CUL4B: variants seen among roughly 807,000 people sequenced by gnomAD.
CUL4B encodes cullin-4B.
A neutral mutation model predicts 69.2 loss-of-function variants in CUL4B; 1 was observed. The observed-to-expected ratio is 0.01, with a 90% confidence interval of 0.01 to 0.07. The LOEUF (loss-of-function observed/expected upper bound fraction) is 0.07, where lower values mean the gene tolerates loss of function less well. Ranked by LOEUF, CUL4B falls within the 10% of genes least tolerant of loss-of-function variation. The pLI, the probability that CUL4B is intolerant of heterozygous loss-of-function variation, is 1.00. For missense variants in CUL4B, 328 were observed against 638.8 expected, an observed-to-expected ratio of 0.51 and a Z score of 5.24; for synonymous variants, 237 against 223.2, an observed-to-expected ratio of 1.06 and a Z score of -0.55.
intron 2 of CUL4B, among the ~76,000 whole-genome samples, chrX:120,573,878 C>A (rs1602597880): frequency 8.9e-6 from 1 of 111,823 alleles, no homozygotes; most frequent in East Asian, 2.8e-4. Flanking sequence ...GGCTGGAGTG[C>A]AATGGCACAA....
intron 17 of CUL4B, among the ~76,000 whole-genome samples, chrX:120,533,661 G>A (rs956253257): frequency 5.4e-5 from 6 of 111,631 alleles, no homozygotes; most frequent in Admixed American, 3.8e-4. Flanking sequence ...GCCAGTCCAC[G>A]GTGATCTCTT....
chrX:120,536,542 G>C (rs1437156923), intron 15 of CUL4B, among the ~76,000 whole-genome samples: 6 of 112,352 alleles, frequency 5.3e-5, no homozygotes, highest in Non-Finnish European at 7.5e-5. Flanking sequence ...GGTAGAGTGA[G>C]GGGTATAACC....
In CUL4B at chrX:120,543,705, A is replaced by C. The variant is rs139093029; in HGVS notation, c.1256+22T>G. The C allele has an allele frequency of 3.2e-5, 35 of 1,106,759 alleles. No individual in the cohort carries two copies. In the African/African-American group the frequency reaches 4.9e-4, roughly 15 times the overall value. The allele number at this position is 1,106,759 out of a possible 1,213,427, so 91.2% of individuals were successfully genotyped here. A position where few individuals can be genotyped will look rare whatever the true frequency, so the allele number is the denominator to read the frequency against. On this transcript the variant is annotated intron_variant, in intron 8 of 19. Transcript: ENST00000371322. ...GATTTAACGACAGTTTAAGACTATT[A>C]AATTCAGCATGTGGTACTTACTGGG...
intron 1 of CUL4B, chrX:120,574,750 A>G (rs1223931776): frequency 4.9e-6 from 3 of 617,328 alleles, no homozygotes; most frequent in Non-Finnish European, 8.0e-6. Flanking sequence ...CATATCTTCA[A>G]GGAAATTATC....
At chrX:120,549,520 G>C (rs1347578756) in intron 2 of CUL4B, among the ~76,000 whole-genome samples, 1 of 111,635 alleles carries the variant, frequency 9.0e-6, no homozygotes, top group Non-Finnish European at 1.9e-5. Flanking sequence ...TCCAGCCCAG[G>C]CAACAGTGTG....
At chrX:120,561,453 G>A (rs182960631), upstream of CUL4B, 3,492 of 528,391 alleles carry the variant, frequency 6.6e-3, 17 homozygotes, top group Non-Finnish European at 8.6e-3. Flanking sequence ...GGGGGGGGAA[G>A]GGGGGAGGGA....
intron 11 of CUL4B, 115 bp downstream of exon 11, chrX:120,540,255 C>A: frequency 1.5e-6 from 1 of 677,732 alleles, no homozygotes; most frequent in Non-Finnish European, 2.3e-6. Flanking sequence ...ACCAGCTAAG[C>A]AACCTCAAAC....
In CUL4B at chrX:120,526,503, A is replaced by C. The variant is rs1922975137; in HGVS notation, c.*258T>G. ...TTCCAAAGAGGAATTCATGAAGACC[A>C]GGTACGTTCTTAAGTGTTTTCTGCA... On this transcript the variant is annotated 3_prime_UTR_variant, in exon 20 of 20. Transcript: ENST00000371322. The C allele has an allele frequency of 9.1e-6, 2 of 219,600 alleles. No individual in the cohort carries two copies. Among genetic ancestry groups the C allele is most frequent in the Non-Finnish European group, 1.7e-5 (2 of 118,575 alleles). 18.1% of individuals were successfully genotyped at this position (219,600 alleles called of 1,213,427 possible). A position where few individuals can be genotyped will look rare whatever the true frequency, so the allele number is the denominator to read the frequency against.
At chrX:120,529,485 T>C (rs144057361) in intron 19 of CUL4B, among the ~76,000 whole-genome samples, 254 of 111,749 alleles carry the variant, frequency 2.3e-3, no homozygotes, top group African/African-American at 7.7e-3. Flanking sequence ...TATCAATGTT[T>C]ATCATCCAAG....
In CUL4B at chrX:120,528,409, C is replaced by CA. The variant is rs1315505804; in HGVS notation, c.2593-1554dup. Reference sequence around the variant, plus strand: ...GTGACAGAGCAAGAAGACTCCATCTCAAAAAAAAAAAAAATCACTATTTAA... The same window carrying CA: ...GTGACAGAGCAAGAAGACTCCATCTCAAAAAAAAAAAAAAATCACTATTTAA... On this transcript the variant is annotated intron_variant, in intron 19 of 19. Transcript: ENST00000371322. 5.3e-3 allele frequency among the ~76,000 whole-genome samples: 399 copies of CA among 74,867 alleles called. 1 individual carries two copies. The highest frequency in any genetic ancestry group is 0.013 in the African/African-American group (264 of 19,749). 65.0% of individuals were successfully genotyped at this position (74,867 alleles called of 115,157 possible). A position where few individuals can be genotyped will look rare whatever the true frequency, so the allele number is the denominator to read the frequency against.
At position 120,538,128 on chromosome X, in the gene CUL4B, T is replaced by C; in HGVS notation, c.1934A>G (p.Lys645Arg). The change falls in exon 14 of 20, where the codon AAA (lysine) becomes AGA (arginine). Residue 645 changes from lysine (K) to arginine (R), a missense_variant. Coordinates refer to ENST00000371322, the MANE Select transcript of CUL4B (RefSeq NM_001079872.2). Reference sequence around the variant, plus strand: ...AAGAGTTTAACTCACTTTTACCTGTTTGAACTGAATCATGATGTCTTTAGA... The same window carrying C: ...AAGAGTTTAACTCACTTTTACCTGTCTGAACTGAATCATGATGTCTTTAGA... The part of the protein sequence containing the change: ...ELSKDIMIQF[K>R]QYMQNQNVPG... 8.4e-7 allele frequency: 1 copy of C among 1,186,739 alleles called. No individual in the cohort carries two copies. Among genetic ancestry groups the C allele is most frequent in the Non-Finnish European group, 1.1e-6 (1 of 874,041 alleles).
intron 17 of CUL4B, among the ~76,000 whole-genome samples, chrX:120,533,288 G>A (rs1923437052): frequency 8.9e-6 from 1 of 111,765 alleles, no homozygotes; most frequent in African/African-American, 3.3e-5. Flanking sequence ...GGAATCCCTT[G>A]ATCCTTCCAG....
downstream of CUL4B, among the ~76,000 whole-genome samples, chrX:120,567,141 T>TTTG (rs1925577915): frequency 1.6e-5 from 1 of 61,623 alleles, no homozygotes; most frequent in Non-Finnish European, 3.1e-5. Context: ...TTTTTTTTTT[T>TTTG]GAGACAGAGT....
chrX:120,566,031 G>T (rs1176660569), upstream of CUL4B, among the ~76,000 whole-genome samples: 1 of 108,130 alleles, frequency 9.2e-6, no homozygotes, highest in Non-Finnish European at 1.9e-5. Flanking sequence ...CCCGGCCCAG[G>T]CAGTCCATTT....
At chrX:120,559,916 C>G in intron 1 of CUL4B, 167 bp downstream of exon 1, 1 of 1,138,608 alleles carries the variant, frequency 8.8e-7, no homozygotes, top group Non-Finnish European at 1.2e-6. Flanking sequence ...CTAACCACCC[C>G]CGGAAAATGA....
upstream of CUL4B, among the ~76,000 whole-genome samples, chrX:120,566,371 A>ATGTATATATATATATATATG (rs1213048362): frequency 1.7e-5 from 1 of 60,028 alleles, no homozygotes; most frequent in African/African-American, 5.3e-5. Context: ...ATATATATAT[A>ATGTATATATATATATATATG]TATATATATA....
At position 120,560,895 on chromosome X, in the gene CUL4B, G is replaced by T; in HGVS notation, c.-257C>A. Reference sequence around the variant, plus strand: ...TGAGGAGGCAGACAGGTAAACGGCCGTGCCGTCCCCCTCCCCTGCTTTTCG... The same window carrying T: ...TGAGGAGGCAGACAGGTAAACGGCCTTGCCGTCCCCCTCCCCTGCTTTTCG... On this transcript the variant is annotated 5_prime_UTR_variant, in exon 1 of 20. Transcript: ENST00000371322. 2 of 752,973 alleles carry T rather than the reference G, an allele frequency of 2.7e-6. No homozygotes were observed. Among genetic ancestry groups the T allele is most frequent in the Non-Finnish European group, 3.1e-6 (2 of 638,690 alleles). 62.1% of individuals were successfully genotyped at this position (752,973 alleles called of 1,213,427 possible). A position where few individuals can be genotyped will look rare whatever the true frequency, so the allele number is the denominator to read the frequency against.
chrX:120,542,632 C>T (rs766251177), intron 9 of CUL4B, among the ~76,000 whole-genome samples: 4 of 111,587 alleles, frequency 3.6e-5, no homozygotes, highest in South Asian at 3.7e-4. Context: ...TTTAAAGAGA[C>T]GAGAGTCTCA....
chrX:120,547,138 T>C lies in CUL4B; in HGVS notation c.774A>G (p.Arg258=). The C allele has an allele frequency of 1.7e-6, 2 of 1,183,568 alleles. No individual in the cohort carries two copies. Among genetic ancestry groups the C allele is most frequent in the Non-Finnish European group, 2.3e-6 (2 of 870,168 alleles). Residue 258 remains arginine, a splice_region_variant and synonymous_variant, in exon 3 of 20, where the codon AGA becomes AGG. Transcript: ENST00000371322. ...ATTTTTTGTTTTAAAAAGGATATTCTCTGAATTGATGAATCTGTGCTTTGA... is the reference window on the plus strand; with the variant it reads ...ATTTTTTGTTTTAAAAAGGATATTCCCTGAATTGATGAATCTGTGCTTTGA... ...DHIKAQIHQF[R]EDSLDSVLFL...
Sources: allele counts gnomAD v4.1 joint callset (sites outside exome capture counted in the v4.1 genomes callset), GRCh38; gene constraint gnomAD v4.1.1; transcripts MANE v1.5; gene names NCBI Gene and HGNC (gene_info 2026-07-23, HGNC 2026-07-21).